Variants in COL23A1 observed in about 807,000 individuals in gnomAD.
The protein encoded by COL23A1 is collagen type XXIII alpha 1 chain, also known as collagen alpha-1(XXIII) chain.
Under a neutral mutation model 99.3 loss-of-function variants are expected in COL23A1, and 97 were observed. The observed-to-expected ratio is 0.98, with a 90% CI of 0.83 to 1.16. The LOEUF (loss-of-function observed/expected upper bound fraction) is 1.16, where lower values mean the gene tolerates loss of function less well. Among genes scored for constraint, COL23A1 ranks in the 50% most tolerant of loss-of-function variants. The probability of loss-of-function intolerance (pLI) is 0.00; values close to 1 mark genes in which losing one functional copy is unlikely to be tolerated. For synonymous variants in COL23A1, 320 were observed against 308.2 expected, an observed-to-expected ratio of 1.04 and a Z score of -0.40; for missense variants, 762 against 757.4, an observed-to-expected ratio of 1.01 and a Z score of -0.07.
At chr5:178,465,712 G>A (rs763788576) in intron 2 of COL23A1, among the ~76,000 whole-genome samples, 1 of 152,342 alleles carries the variant, frequency 6.6e-6, no homozygotes, top group African/African-American at 2.4e-5. Context: ...CAAAGTCCCC[G>A]CGGGGTGGCG....
chr5:178,508,164 T>C (rs1758986110), intron 2 of COL23A1, among the ~76,000 whole-genome samples: 1 of 152,136 alleles, frequency 6.6e-6, no homozygotes, highest in Non-Finnish European at 1.5e-5. Flanking sequence ...GAGTTTTTAA[T>C]TTTGGTTTTT....
chr5:178,314,633 CAGTGTTTAATAAAAGCAAG>C (rs1360189071), intron 2 of COL23A1, among the ~76,000 whole-genome samples: 1 of 152,194 alleles, frequency 6.6e-6, no homozygotes, highest in African/African-American at 2.4e-5. Flanking sequence ...CGGCCTGCAA[CAGTGTTTAATAAAAGCAAG>C]AGCCGCCGGC....
intron 18 of COL23A1, among the ~76,000 whole-genome samples, chr5:178,249,716 A>ACACTCACTCACTCTCTCT: frequency 1.1e-5 from 1 of 92,752 alleles, no homozygotes; most frequent in Non-Finnish European, 2.2e-5. Flanking sequence ...ACACACACAC[A>ACACTCACTCACTCTCTCT]CTCTCTCTCT....
At chr5:178,252,745 G>A in intron 16 of COL23A1, 148 bp from the exon 17 acceptor site, 1 of 648,806 alleles carries the variant, frequency 1.5e-6, no homozygotes, top group Non-Finnish European at 2.6e-6. Flanking sequence ...CCCCAGTCAG[G>A]TCAGGCCACA....
At chr5:178,481,832 T>C (rs1486448138) in intron 2 of COL23A1, among the ~76,000 whole-genome samples, 4 of 134,196 alleles carry the variant, frequency 3.0e-5, no homozygotes, top group African/African-American at 8.8e-5. Flanking sequence ...GTGAGAACAC[T>C]TGGACACAGG....
chr5:178,519,270 G>C (rs1264889388), intron 2 of COL23A1, among the ~76,000 whole-genome samples: 1 of 152,238 alleles, frequency 6.6e-6, no homozygotes, highest in African/African-American at 2.4e-5. Flanking sequence ...TCAGCACAGA[G>C]CCCAGGCCTC....
intron 17 of COL23A1, 56 bp from the exon 18 acceptor site, chr5:178,250,161 A>G (rs1402440965): frequency 1.9e-6 from 3 of 1,605,882 alleles, no homozygotes; most frequent in African/African-American, 1.3e-5. Flanking sequence ...AAGAGGTGTC[A>G]GCAGCCAGAG....
chr5:178,379,471 G>C (rs546833727), intron 2 of COL23A1, among the ~76,000 whole-genome samples: 28 of 152,164 alleles, frequency 1.8e-4, no homozygotes, highest in Non-Finnish European at 3.4e-4. Context: ...CAGGGATGAA[G>C]GCAGCCTTTG....
At chr5:178,471,364 C>G (rs1756740263) in intron 2 of COL23A1, among the ~76,000 whole-genome samples, 1 of 152,154 alleles carries the variant, frequency 6.6e-6, no homozygotes, top group Non-Finnish European at 1.5e-5. Context: ...GCCTCAGCCT[C>G]CTGAGTAGCT....
At chr5:178,588,716 C>A (rs887844878) in intron 1 of COL23A1, among the ~76,000 whole-genome samples, 1 of 147,696 alleles carries the variant, frequency 6.8e-6, no homozygotes, top group Non-Finnish European at 1.5e-5. Context: ...GTGGGGTGAA[C>A]AAGGAGGTGT....
intron 2 of COL23A1, among the ~76,000 whole-genome samples, chr5:178,435,363 G>A (rs139258914): frequency 6.6e-6 from 1 of 152,260 alleles, no homozygotes; most frequent in Non-Finnish European, 1.5e-5. Flanking sequence ...CACCACTGGA[G>A]CCCCAAGTGA....
intron 2 of COL23A1, among the ~76,000 whole-genome samples, chr5:178,451,465 G>A (rs1054327995): frequency 6.6e-6 from 1 of 152,030 alleles, no homozygotes; most frequent in African/African-American, 2.4e-5. Flanking sequence ...AGATCAGCCT[G>A]GCCAACATGG....
intron 2 of COL23A1, among the ~76,000 whole-genome samples, chr5:178,353,601 T>A (rs1183754147): frequency 6.6e-6 from 1 of 152,170 alleles, no homozygotes; most frequent in East Asian, 1.9e-4. Flanking sequence ...GAATCGCAAA[T>A]GACCTCTTCC....
rs748820083 is a variant in COL23A1 at position 178,308,162 on chromosome 5, T to G, written c.362-1243A>C. Among the ~76,000 whole-genome samples the G allele has an allele frequency of 1.3e-5, 2 of 151,950 alleles. No individual in the cohort carries two copies. Among genetic ancestry groups the G allele is most frequent in the Non-Finnish European group, 2.9e-5 (2 of 67,980 alleles). On this transcript the variant is annotated intron_variant, in intron 2 of 28. Transcript: ENST00000390654. The surrounding 1 kb of genome is among the most constrained non-coding windows in gnomAD (Gnocchi z 5.1). The stretch of plus-strand genomic sequence containing the variant: ...GTCCTGTGGGAGGTGCTTCTCGACT[T>G]TTGTTAAGGGAAGGGGAGGAGGGAG...
rs1204645999 is a variant in COL23A1 at position 178,308,011 on chromosome 5, G to A, written c.362-1092C>T. On this transcript the variant is annotated intron_variant, in intron 2 of 28. Transcript: ENST00000390654. The surrounding 1 kb of genome is among the most constrained non-coding windows in gnomAD (Gnocchi z 5.1). ...GATGGAAAAATGAGTGTGGGTGTCTGTGTGTGTCTGTTTGCATGTGTCTGT... is the reference window on the plus strand; with the variant it reads ...GATGGAAAAATGAGTGTGGGTGTCTATGTGTGTCTGTTTGCATGTGTCTGT... 2.0e-5 allele frequency among the ~76,000 whole-genome samples: 3 copies of A among 148,762 alleles called. No homozygotes were observed. Among genetic ancestry groups the A allele is most frequent in the African/African-American group, 7.9e-5 (3 of 38,214 alleles).
chr5:178,576,129 T>C (rs958615140), intron 1 of COL23A1, among the ~76,000 whole-genome samples: 1 of 152,196 alleles, frequency 6.6e-6, no homozygotes, highest in African/African-American at 2.4e-5. Flanking sequence ...CTTACAGCCG[T>C]TGGGGGTGAT....
rs767160707 is a variant in COL23A1, at chr5:178,255,767, C to A, written c.882+586G>T. 35 of 329,022 alleles carry A rather than the reference C, an allele frequency of 1.1e-4. No homozygotes were observed. The highest frequency in any genetic ancestry group is 5.6e-4 in the Middle Eastern group (1 of 1,796). The allele number at this position is 329,022 out of a possible 1,614,324, so 20.4% of individuals were successfully genotyped here. On this transcript the variant is annotated intron_variant, in intron 15 of 28. Transcript: ENST00000390654. The surrounding 1 kb of genome is among the most constrained non-coding windows in gnomAD (Gnocchi z 4.2). ...TGGCTCACTGGCTGCCTAATCCAAC[C>A]CCCTCCCGCTCCCCACCACCTGCAC...
Position 178,590,228 on chromosome 5 carries a change from G to A in COL23A1, c.-31C>T, listed in dbSNP as rs1158073409. 6.5e-5 allele frequency: 78 copies of A among 1,208,612 alleles called. No homozygotes were observed. Among genetic ancestry groups the A allele is most frequent in the Non-Finnish European group, 7.8e-5 (76 of 972,558 alleles). 74.9% of individuals were successfully genotyped at this position (1,208,612 alleles called of 1,614,324 possible). A position where few individuals can be genotyped will look rare whatever the true frequency, so the allele number is the denominator to read the frequency against. On this transcript the variant is annotated 5_prime_UTR_variant, in exon 1 of 29. Transcript: ENST00000390654. The surrounding 1 kb of genome is among the most constrained non-coding windows in gnomAD (Gnocchi z 5.7). ...GTTCGTCGCGCGTGGACTCTCCGAG[G>A]GGGCGGTGCTGCTGGGGCAGAGGCT...
At chr5:178,241,990 C>T (rs1475539183) in intron 27 of COL23A1, 52 bp downstream of exon 27, 92 of 1,410,968 alleles carry the variant, frequency 6.5e-5, no homozygotes, top group Non-Finnish European at 8.4e-5. Flanking sequence ...GTTGGGCTGA[C>T]CCTGGCTGGA....
Sources: allele counts gnomAD v4.1 joint callset (sites outside exome capture counted in the v4.1 genomes callset), GRCh38; gene constraint gnomAD v4.1.1; non-coding constraint Gnocchi (gnomAD v3.1); transcripts MANE v1.5; gene names NCBI Gene and HGNC (gene_info 2026-07-23, HGNC 2026-07-21).